The following KDM4C variants were observed in gnomAD, a reference collection of about 807,000 sequenced individuals.
KDM4C encodes lysine demethylase 4C.
KDM4C carries 81 observed loss-of-function variants against 129.3 expected under a neutral mutation model. That is an observed-to-expected ratio of 0.63 (90% CI 0.52 to 0.75). The LOEUF (loss-of-function observed/expected upper bound fraction) is 0.75, where lower values mean the gene tolerates loss of function less well. Ranked by LOEUF, KDM4C falls within the 30% of genes least tolerant of loss-of-function variation. KDM4C has a pLI of 0.00. For synonymous variants in KDM4C, 573 were observed against 456.1 expected (o/e 1.26, Z -3.26); for missense variants, 1,457 against 1,304.0 (o/e 1.12, Z -1.81).
intron 1 of KDM4C, among the ~76,000 whole-genome samples, chr9:6,740,553 C>T (rs920956903): frequency 3.3e-5 from 5 of 151,646 alleles, no homozygotes; most frequent in African/African-American, 1.2e-4. Context: ...AAGTCTTGCT[C>T]TGTTGCCCAG....
At chr9:7,121,951 T>C (rs538556216) in intron 18 of KDM4C, among the ~76,000 whole-genome samples, 67 of 152,280 alleles carry the variant, frequency 4.4e-4, no homozygotes, top group African/African-American at 1.3e-3. Flanking sequence ...TTTTTTCCCA[T>C]GCTTATTTTC....
intron 17 of KDM4C, among the ~76,000 whole-genome samples, chr9:7,085,096 C>A (rs979414225): frequency 6.6e-5 from 10 of 152,106 alleles, no homozygotes; most frequent in Non-Finnish European, 1.3e-4. Flanking sequence ...ATTCGAGGAC[C>A]CTGAGGTGGA....
chr9:6,934,346 T>TG (rs1166725960), intron 8 of KDM4C, among the ~76,000 whole-genome samples: 1 of 136,012 alleles, frequency 7.4e-6, no homozygotes, highest in African/African-American at 2.6e-5. Flanking sequence ...CCGTTTGTGC[T>TG]GGCGGTCCCT....
intron 1 of KDM4C, among the ~76,000 whole-genome samples, chr9:6,723,093 T>C (rs918946238): frequency 1.5e-4 from 23 of 152,080 alleles, no homozygotes; most frequent in African/African-American, 5.3e-4. Flanking sequence ...GTCTTAGTTG[T>C]AAAAGTTTGT....
intron 1 of KDM4C, among the ~76,000 whole-genome samples, chr9:6,785,751 A>G (rs1275672016): frequency 6.6e-6 from 1 of 152,244 alleles, no homozygotes; most frequent in Non-Finnish European, 1.5e-5. Flanking sequence ...ATAAGGCCAC[A>G]TTCACAGGTG....
intron 8 of KDM4C, among the ~76,000 whole-genome samples, chr9:6,964,317 C>G (rs539306641): frequency 1.4e-4 from 21 of 151,818 alleles, no homozygotes; most frequent in Non-Finnish European, 3.1e-4. Context: ...TCAATTCCCA[C>G]CTATGAGTGA....
intron 4 of KDM4C, among the ~76,000 whole-genome samples, chr9:6,846,575 T>C (rs1837887158): frequency 6.6e-6 from 1 of 152,230 alleles, no homozygotes; most frequent in Non-Finnish European, 1.5e-5. Flanking sequence ...ATTCTTAATA[T>C]TTGCACAACT....
At chr9:6,796,991 A>ATTTT (rs34065981) in intron 2 of KDM4C, among the ~76,000 whole-genome samples, 1 of 143,906 alleles carries the variant, frequency 6.9e-6, no homozygotes, top group African/African-American at 2.6e-5. Context: ...TTAATGCACT[A>ATTTT]TTTTTTTTTT....
intron 17 of KDM4C, among the ~76,000 whole-genome samples, chr9:7,064,007 C>T (rs1227553785): frequency 1.3e-5 from 2 of 152,212 alleles, no homozygotes; most frequent in African/African-American, 4.8e-5. Flanking sequence ...TACAGCTACC[C>T]TGCGCTTGGA....
At chr9:7,035,940 T>C (rs1397335009) in intron 15 of KDM4C, among the ~76,000 whole-genome samples, 1 of 152,216 alleles carries the variant, frequency 6.6e-6, no homozygotes, top group East Asian at 1.9e-4. Flanking sequence ...GCTTTGATAT[T>C]TGCTTAAGCT....
intron 17 of KDM4C, among the ~76,000 whole-genome samples, chr9:7,096,039 A>T (rs1161601502): frequency 6.6e-6 from 1 of 152,208 alleles, no homozygotes; most frequent in Non-Finnish European, 1.5e-5. Context: ...CATCAGCTGA[A>T]AGATGTTTGG....
intron 17 of KDM4C, among the ~76,000 whole-genome samples, chr9:7,057,749 G>T (rs1413373031): frequency 5.9e-5 from 9 of 152,172 alleles, no homozygotes; most frequent in Non-Finnish European, 1.0e-4. Flanking sequence ...GGCGTGTTCT[G>T]TCATCTCCGA....
At chr9:6,858,776 C>T (rs572630330) in intron 5 of KDM4C, among the ~76,000 whole-genome samples, 36 of 146,480 alleles carry the variant, frequency 2.5e-4, no homozygotes, top group East Asian at 2.2e-3. Flanking sequence ...TCTCCCCCCC[C>T]GGCAAAAAAA....
intron 19 of KDM4C, among the ~76,000 whole-genome samples, chr9:7,135,509 C>G (rs1430718298): frequency 6.6e-6 from 1 of 152,106 alleles, no homozygotes; most frequent in Non-Finnish European, 1.5e-5. Flanking sequence ...GCTGAATATT[C>G]ATGGGTGAGC....
chr9:7,030,293 A>G (rs976417816), intron 15 of KDM4C, among the ~76,000 whole-genome samples: 1 of 152,220 alleles, frequency 6.6e-6, no homozygotes, highest in African/African-American at 2.4e-5. Context: ...ACACTGATAA[A>G]TACTGACCAG....
chr9:6,952,047 T>C lies in KDM4C; in HGVS notation c.922-28878T>C, dbSNP rs565044110. 7.2e-5 allele frequency among the ~76,000 whole-genome samples: 11 copies of C among 152,294 alleles called. 1 individual carries two copies. In the South Asian group the frequency reaches 2.1e-3, roughly 29 times the overall value. ...ATAACCAGAGTTTATAAGGCTGAAC[T>C]TAAATGGGCTTAAAAAATACATTGT... On this transcript the variant is annotated intron_variant, in intron 8 of 21. Transcript: ENST00000381309.
rs1823372512 is a variant in KDM4C at position 6,929,986 on chromosome 9, C to CTG, written c.921+36755_921+36756dup. 2.0e-5 allele frequency among the ~76,000 whole-genome samples: 3 copies of CTG among 152,020 alleles called. No homozygotes were observed. In the South Asian group the frequency reaches 6.2e-4, roughly 32 times the overall value. On this transcript the variant is annotated intron_variant, in intron 8 of 21. Coordinates refer to ENST00000381309, the MANE Select transcript of KDM4C (RefSeq NM_015061.6). Reference sequence around the variant, plus strand: ...GGATGTTACTCACTGTTGATGAGTCCTGAGGGTCTTTGGGATATTAGTCTC... The same window carrying CTG: ...GGATGTTACTCACTGTTGATGAGTCCTGTGAGGGTCTTTGGGATATTAGTCTC...
At position 6,730,044 on chromosome 9, in the gene KDM4C, A is replaced by G. The variant is rs1322942765; in HGVS notation, c.49+9047A>G. ...AGAATCGCTTGAACCCAGGAAATGG[A>G]GGCTGCAGTGGGCCGAGATTGTGCC... On this transcript the variant is annotated intron_variant, in intron 1 of 17. Transcript: ENST00000536108. Among the ~76,000 whole-genome samples, 11 of 86,758 alleles carry G rather than the reference A, an allele frequency of 1.3e-4. 1 individual carries two copies. The highest frequency in any genetic ancestry group is 1.3e-3 in the Admixed American group (9 of 7,134). The allele number at this position is 86,758 out of a possible 152,430, so 56.9% of individuals were successfully genotyped here.
At chr9:6,942,892 G>A (rs78600476) in intron 8 of KDM4C, among the ~76,000 whole-genome samples, 10,636 of 152,022 alleles carry the variant, frequency 0.07, 1,080 homozygotes, top group African/African-American at 0.22. Flanking sequence ...TTTTTGAGAC[G>A]GCTTTACTCT....
Sources: gnomAD v4.1 joint callset for allele counts (sites outside exome capture counted in the v4.1 genomes callset) on GRCh38, gnomAD v4.1.1 for gene constraint, MANE v1.5 for transcripts, NCBI Gene and HGNC (gene_info 2026-07-23, HGNC 2026-07-21) for gene names.